Variants in ARMC3 observed in about 807,000 individuals in gnomAD.
ARMC3 encodes armadillo repeat containing 3.
A neutral mutation model predicts 90.3 loss-of-function variants in ARMC3; 74 were observed. The observed-to-expected ratio is 0.82, with a 90% CI of 0.68 to 0.99. ARMC3 has a LOEUF of 0.99. Ranked by LOEUF, ARMC3 falls within the 50% of genes least tolerant of loss-of-function variation. ARMC3 has a pLI of 0.00. For synonymous variants in ARMC3, 334 were observed against 361.8 expected (o/e 0.92, Z 0.87); for missense variants, 958 against 1,042.8 (o/e 0.92, Z 1.12).
At chr10:23,008,183 T>C (rs1837720947) in intron 14 of ARMC3, 93 bp from the exon 15 acceptor site, 3 of 625,360 alleles carry the variant, frequency 4.8e-6, no homozygotes, top group Non-Finnish European at 5.4e-6. Flanking sequence ...GCTTCAGTTA[T>C]GACTTTCAGA....
chr10:22,981,225 G>A (rs1233065551), intron 8 of ARMC3, 115 bp from the exon 9 acceptor site: 2 of 924,448 alleles, frequency 2.2e-6, no homozygotes, highest in Non-Finnish European at 3.2e-6. Flanking sequence ...TTTAGACTCT[G>A]GTACTAAAAC....
At position 23,002,032 on chromosome 10, in the gene ARMC3, GGCCAATGAATTAT is replaced by G; in HGVS notation, c.1542_1554del (p.Asn515GlyfsTer5). Reference sequence around the variant, plus strand: ...TGGTCTGTGCTGGTGACGAGCTGACGGCCAATGAATTATGCAGGCTCGGGTGAGTGGATGCCAT... The same window carrying G: ...TGGTCTGTGCTGGTGACGAGCTGACGGCAGGCTCGGGTGAGTGGATGCCAT... On this transcript the variant is annotated frameshift_variant, in exon 12 of 19. Transcript: ENST00000298032. LOFTEE classifies it high-confidence loss of function. 1 of 1,613,754 alleles carries G rather than the reference GGCCAATGAATTAT, an allele frequency of 6.2e-7. No individual in the cohort carries two copies. The highest frequency in any genetic ancestry group is 8.5e-7 in the Non-Finnish European group (1 of 1,179,792).
At chr10:22,939,332 T>C (rs1396805625) in intron 2 of ARMC3, among the ~76,000 whole-genome samples, 2 of 152,128 alleles carry the variant, frequency 1.3e-5, no homozygotes, top group African/African-American at 2.4e-5. Flanking sequence ...GTCTAATCTG[T>C]ATGGGGTGGA....
intron 7 of ARMC3, among the ~76,000 whole-genome samples, chr10:22,965,889 A>G (rs375502806): frequency 5.9e-5 from 9 of 152,200 alleles, no homozygotes; most frequent in Admixed American, 2.6e-4. Flanking sequence ...CTCTGTGAAC[A>G]TATTTATCAT....
intron 3 of ARMC3, among the ~76,000 whole-genome samples, chr10:22,950,389 T>C (rs919987656): frequency 3.3e-5 from 5 of 152,156 alleles, no homozygotes; most frequent in Admixed American, 2.6e-4. Flanking sequence ...ATCTCATATG[T>C]GAAGTGGCAT....
chr10:22,949,671 CAG>C (rs1834666074), intron 3 of ARMC3, among the ~76,000 whole-genome samples: 1 of 152,090 alleles, frequency 6.6e-6, no homozygotes, highest in Non-Finnish European at 1.5e-5. Flanking sequence ...AAAAGGGAGA[CAG>C]GGACAGAAAA....
Position 23,030,607 on chromosome 10 carries a change from G to GA in ARMC3, c.2064dup (p.Glu689ArgfsTer20), listed in dbSNP as rs1564406625. The GA allele has an allele frequency of 6.2e-7, 1 of 1,612,408 alleles. No homozygotes were observed. The highest frequency in any genetic ancestry group is 2.2e-5 in the East Asian group (1 of 44,698). The stretch of plus-strand genomic sequence containing the variant: ...GTTTACTTTCAAAGGAAAAGCAAAG[G>GA]AAAAAAAGAAGAGGAAAAAGTGAAA... On this transcript the variant is annotated frameshift_variant, in exon 17 of 19. Transcript: ENST00000298032.
intron 14 of ARMC3, 138 bp from the exon 15 acceptor site, chr10:23,008,138 A>G (rs896759805): frequency 8.1e-6 from 4 of 491,138 alleles, no homozygotes; most frequent in African/African-American, 8.0e-5. Context: ...CTTCTCCTTT[A>G]TACTTTAAAA....
chr10:23,024,560 C>A (rs975728768), intron 16 of ARMC3, among the ~76,000 whole-genome samples: 3 of 152,034 alleles, frequency 2.0e-5, no homozygotes, highest in Non-Finnish European at 2.9e-5. Flanking sequence ...AGTAAAGACA[C>A]CTGAAAGGAG....
At chr10:22,967,214 T>C (rs977721311) in intron 7 of ARMC3, among the ~76,000 whole-genome samples, 10 of 152,184 alleles carry the variant, frequency 6.6e-5, no homozygotes, top group African/African-American at 2.4e-4. Flanking sequence ...ACCCATATCA[T>C]GGAGGGTAAT....
intron 16 of ARMC3, among the ~76,000 whole-genome samples, chr10:23,023,640 A>G (rs1300698665): frequency 2.0e-5 from 3 of 152,246 alleles, no homozygotes; most frequent in African/African-American, 7.2e-5. Flanking sequence ...AACAACAAAA[A>G]TAGCAGTTAT....
chr10:22,974,564 C>T (rs1835831530), intron 8 of ARMC3, among the ~76,000 whole-genome samples: 1 of 152,026 alleles, frequency 6.6e-6, no homozygotes, highest in Non-Finnish European at 1.5e-5. Context: ...TTTGCTTCCA[C>T]AATTCTTTCC....
intron 3 of ARMC3, among the ~76,000 whole-genome samples, chr10:22,950,090 A>T (rs1377707235): frequency 8.9e-6 from 1 of 112,016 alleles, no homozygotes; most frequent in Non-Finnish European, 2.0e-5. Context: ...CAAATATAAA[A>T]AGCTAAAATA....
chr10:22,979,035 G>A (rs1836068645), intron 8 of ARMC3, among the ~76,000 whole-genome samples: 1 of 152,198 alleles, frequency 6.6e-6, no homozygotes, highest in South Asian at 2.1e-4. Context: ...TAGGAGGAAG[G>A]TGTTAATTAC....
intron 16 of ARMC3, among the ~76,000 whole-genome samples, chr10:23,028,124 A>G (rs1194570098): frequency 1.3e-5 from 2 of 152,190 alleles, no homozygotes; most frequent in African/African-American, 2.4e-5. Context: ...AGCCTGGGCA[A>G]CAAGTGAAAC....
intron 8 of ARMC3, among the ~76,000 whole-genome samples, chr10:22,978,329 G>C (rs1159347876): frequency 2.0e-5 from 3 of 152,176 alleles, no homozygotes; most frequent in Admixed American, 1.3e-4. Context: ...CTCTTTGCAG[G>C]GTGGCAGGAG....
At chr10:22,991,306 AC>A (rs1342325921) in intron 10 of ARMC3, among the ~76,000 whole-genome samples, 2 of 152,082 alleles carry the variant, frequency 1.3e-5, no homozygotes, top group Non-Finnish European at 1.5e-5. Flanking sequence ...GTAAGAGATT[AC>A]CCCCTAGCCA....
Position 23,030,602 on chromosome 10 carries a change from CA to C in ARMC3, c.2055del (p.Gly686GlufsTer8). On this transcript the variant is annotated frameshift_variant, in exon 17 of 19. Coordinates refer to ENST00000298032, the MANE Select transcript of ARMC3 (RefSeq NM_173081.5). ...ATKEKGWRKS[K>X]GKKEEEKVKE... ...CCCTTGTTTACTTTCAAAGGAAAAGCAAAGGAAAAAAAGAAGAGGAAAAAGT... is the reference window on the plus strand; with the variant it reads ...CCCTTGTTTACTTTCAAAGGAAAAGCAAGGAAAAAAAGAAGAGGAAAAAGT... The C allele has an allele frequency of 6.2e-7, 1 of 1,611,296 alleles. No homozygotes were observed. Among genetic ancestry groups the C allele is most frequent in the Non-Finnish European group, 8.5e-7 (1 of 1,178,774 alleles).
intron 10 of ARMC3, among the ~76,000 whole-genome samples, chr10:22,991,570 TAC>T (rs1336444384): frequency 1.3e-5 from 2 of 152,128 alleles, no homozygotes; most frequent in Non-Finnish European, 2.9e-5. Flanking sequence ...ACATCAGGCC[TAC>T]ATTTCAGTCA....
Sources: gnomAD v4.1 joint callset for allele counts (sites outside exome capture counted in the v4.1 genomes callset) on GRCh38, gnomAD v4.1.1 for gene constraint, MANE v1.5 for transcripts, NCBI Gene and HGNC (gene_info 2026-07-23, HGNC 2026-07-21) for gene names.